The following LARS2 variants were observed in gnomAD, a reference collection of about 807,000 sequenced individuals.
LARS2 encodes the protein leucyl-tRNA synthetase 2, mitochondrial.
LARS2 carries 81 observed loss-of-function variants against 116.6 expected under a neutral mutation model. The observed-to-expected ratio is 0.69, with a 90% CI of 0.58 to 0.84. The LOEUF (loss-of-function observed/expected upper bound fraction) is 0.84, where lower values mean the gene tolerates loss of function less well. Among genes scored for constraint, LARS2 ranks in the 40% least tolerant of loss-of-function variants. The pLI, the probability that LARS2 is intolerant of heterozygous loss-of-function variation, is 0.00. For synonymous variants in LARS2, 396 were observed against 407.2 expected, an observed-to-expected ratio of 0.97 and a Z score of 0.33; for missense variants, 968 against 1,114.5, an observed-to-expected ratio of 0.87 and a Z score of 1.87.
intron 8 of LARS2, among the ~76,000 whole-genome samples, chr3:45,463,625 G>A (rs981773116): frequency 2.0e-5 from 3 of 151,952 alleles, no homozygotes; most frequent in Non-Finnish European, 2.9e-5. Context: ...GAGCAGCTGA[G>A]CTGTTAACCC....
At chr3:45,472,573 T>C (rs542316303) in intron 8 of LARS2, among the ~76,000 whole-genome samples, 32 of 152,166 alleles carry the variant, frequency 2.1e-4, no homozygotes, top group Non-Finnish European at 3.7e-4. Context: ...ATAAATAAGA[T>C]AATAGAAGCA....
chr3:45,509,302 C>T (rs978652788), intron 15 of LARS2: 2 of 152,098 alleles, frequency 1.3e-5, no homozygotes, highest in African/African-American at 4.8e-5. Context: ...CAAGTCTGTT[C>T]CCAAGTACCA....
chr3:45,413,497 C>T (rs569669884), intron 4 of LARS2, among the ~76,000 whole-genome samples: 2 of 152,280 alleles, frequency 1.3e-5, no homozygotes, highest in African/African-American at 2.4e-5. Flanking sequence ...ATAGTTGAGA[C>T]TCAGAATTAG....
At chr3:45,489,998 A>C (rs549005811) in intron 12 of LARS2, among the ~76,000 whole-genome samples, 3 of 152,258 alleles carry the variant, frequency 2.0e-5, no homozygotes, top group South Asian at 4.1e-4. Context: ...CAAGTTTTTC[A>C]GGTTTGTGAC....
intron 18 of LARS2, among the ~76,000 whole-genome samples, chr3:45,519,182 T>C (rs531713819): frequency 2.2e-4 from 34 of 152,270 alleles, no homozygotes; most frequent in African/African-American, 7.9e-4. Context: ...TGTTCTTATG[T>C]TGACTGTACA....
chr3:45,497,504 G>A (rs796627594), intron 14 of LARS2, among the ~76,000 whole-genome samples: 32 of 152,234 alleles, frequency 2.1e-4, no homozygotes, highest in African/African-American at 6.7e-4. Context: ...CCTATTCTTC[G>A]TGGTTCTAAA....
At chr3:45,416,649 C>T (rs1244381396) in intron 4 of LARS2, among the ~76,000 whole-genome samples, 1 of 152,238 alleles carries the variant, frequency 6.6e-6, no homozygotes, top group African/African-American at 2.4e-5. Flanking sequence ...TCACGTGTGT[C>T]TGCTGCACAC....
rs1700394563 is a variant in LARS2 at position 45,517,936 on chromosome 3, A to G, written c.2078A>G (p.Gln693Arg). 2 of 1,613,944 alleles carry G rather than the reference A, an allele frequency of 1.2e-6. No individual in the cohort carries two copies. Among genetic ancestry groups the G allele is most frequent in the Non-Finnish European group, 8.5e-7 (1 of 1,179,932 alleles). The change falls in exon 18 of 22, where the codon CAA (glutamine) becomes CGA (arginine). Residue 693 changes from glutamine to arginine, a missense_variant. Coordinates refer to ENST00000645846, the MANE Select transcript of LARS2 (RefSeq NM_015340.4). ...CTCCCTGGGGTGCTGAGATGGCAAC[A>G]ACGACTGTGGACCTTGACAACTCGG... is the stretch of plus-strand genomic sequence containing the variant. Reference protein sequence around the residue: ...DALPGVLRWQQRLWTLTTRFI... With the variant: ...DALPGVLRWQRRLWTLTTRFI...
chr3:45,434,086 G>A (rs1199360023), intron 6 of LARS2, among the ~76,000 whole-genome samples: 1 of 152,102 alleles, frequency 6.6e-6, no homozygotes, highest in Non-Finnish European at 1.5e-5. Flanking sequence ...ATCTTGTTTG[G>A]TGTTCACTTA....
chr3:45,474,435 G>C, intron 9 of LARS2, 85 bp downstream of exon 9: 1 of 776,010 alleles, frequency 1.3e-6, no homozygotes, highest in South Asian at 2.0e-5. Context: ...AGCAACTTGG[G>C]ACTCCACAGC....
chr3:45,522,778 G>A (rs1700473701), intron 19 of LARS2, among the ~76,000 whole-genome samples: 1 of 152,052 alleles, frequency 6.6e-6, no homozygotes, highest in African/African-American at 2.4e-5. Context: ...TGAGCTGGGT[G>A]CAGTGGTTCA....
At chr3:45,494,659 C>G (rs1271765372) in intron 13 of LARS2, among the ~76,000 whole-genome samples, 2 of 152,214 alleles carry the variant, frequency 1.3e-5, no homozygotes, top group African/African-American at 2.4e-5. Flanking sequence ...CAGCTAATCC[C>G]CGTCCTGTGC....
rs1258736464 is a variant in LARS2 at position 45,415,889 on chromosome 3, AGAGG to A, written c.364-1589_364-1586del. Among the ~76,000 whole-genome samples the A allele has an allele frequency of 1.3e-3, 117 of 88,338 alleles. 1 individual carries two copies. Among genetic ancestry groups the A allele is most frequent in the African/African-American group, 3.3e-3 (31 of 9,402 alleles). 58.0% of individuals were successfully genotyped at this position (88,338 alleles called of 152,430 possible). A position where few individuals can be genotyped will look rare whatever the true frequency, so the allele number is the denominator to read the frequency against. ...TATATATATATATAGAGAGAGAGAG[AGAGG>A]GAGAGAGAGAGAGAGAGAGAGAGAG... On this transcript the variant is annotated intron_variant, in intron 4 of 21. Transcript: ENST00000645846.
intron 3 of LARS2, among the ~76,000 whole-genome samples, chr3:45,396,683 G>A (rs1440990554): frequency 6.6e-6 from 1 of 152,212 alleles, no homozygotes; most frequent in Non-Finnish European, 1.5e-5. Context: ...GCCAGGCACT[G>A]TCTTTCAATT....
At chr3:45,444,215 G>A (rs112249464) in intron 6 of LARS2, among the ~76,000 whole-genome samples, 25,366 of 141,250 alleles carry the variant, frequency 0.18, 2,343 homozygotes, top group Middle Eastern at 0.24. Context: ...GGGTTTCACC[G>A]TGTTAGCGAG....
intron 8 of LARS2, among the ~76,000 whole-genome samples, chr3:45,466,941 G>A (rs1478847767): frequency 1.3e-5 from 2 of 152,084 alleles, no homozygotes; most frequent in Non-Finnish European, 2.9e-5. Flanking sequence ...CTGCTCTTGG[G>A]GACAGTTCCC....
At chr3:45,480,850 T>C (rs960970814) in intron 10 of LARS2, among the ~76,000 whole-genome samples, 1 of 152,242 alleles carries the variant, frequency 6.6e-6, no homozygotes, top group Non-Finnish European at 1.5e-5. Context: ...TTCAACTCTT[T>C]CAAGCAGTAC....
intron 20 of LARS2, among the ~76,000 whole-genome samples, chr3:45,538,830 T>G (rs1007420859): frequency 6.6e-6 from 1 of 152,224 alleles, no homozygotes; most frequent in African/African-American, 2.4e-5. Context: ...TCGGTGGAAC[T>G]CTCAGTTCCA....
chr3:45,500,253 C>T (rs1212804281), intron 14 of LARS2, among the ~76,000 whole-genome samples, 189 bp from the exon 15 acceptor site: 3 of 152,170 alleles, frequency 2.0e-5, no homozygotes, highest in African/African-American at 4.8e-5. Flanking sequence ...CCACCTGCCT[C>T]GGCCTCCCAA....
Sources: gnomAD v4.1 joint callset for allele counts (sites outside exome capture counted in the v4.1 genomes callset) on GRCh38, gnomAD v4.1.1 for gene constraint, MANE v1.5 for transcripts, NCBI Gene and HGNC (gene_info 2026-07-23, HGNC 2026-07-21) for gene names.